ARHGEF9: variants seen among roughly 807,000 people sequenced by gnomAD.
ARHGEF9 encodes rho guanine nucleotide exchange factor 9.
ARHGEF9 carries 2 observed loss-of-function variants against 41.3 expected under a neutral mutation model. That is an observed-to-expected ratio of 0.05 (90% CI 0.02 to 0.15). The LOEUF is 0.15. ARHGEF9 is among the 10% of genes least tolerant of loss of function. ARHGEF9 has a pLI of 1.00. For synonymous variants in ARHGEF9, 160 were observed against 154.4 expected, an observed-to-expected ratio of 1.04 and a Z score of -0.27; for missense variants, 225 against 424.7, an observed-to-expected ratio of 0.53 and a Z score of 4.13.
At chrX:63,782,731 G>T (rs782646130) in intron 1 of ARHGEF9, among the ~76,000 whole-genome samples, 2 of 112,338 alleles carry the variant, frequency 1.8e-5, no homozygotes, top group Non-Finnish European at 3.8e-5. Context: ...TAAAATGGTG[G>T]CTAGATACAC....
Position 63,637,235 on chromosome X carries a change from A to AGAACAGATGCT in ARHGEF9, c.*792_*793insAGCATCTGTTC, listed in dbSNP as rs1556298931. 2 of 296,184 alleles carry AGAACAGATGCT rather than the reference A, an allele frequency of 6.8e-6. No individual in the cohort carries two copies. Among genetic ancestry groups the AGAACAGATGCT allele is most frequent in the East Asian group, 9.5e-5 (2 of 20,999 alleles). The allele number at this position is 296,184 out of a possible 1,213,427, so 24.4% of individuals were successfully genotyped here. A position where few individuals can be genotyped will look rare whatever the true frequency, so the allele number is the denominator to read the frequency against. On this transcript the variant is annotated 3_prime_UTR_variant, in exon 10 of 10. Transcript: ENST00000671741. ...CCTGAATGCAAAATGTTCCCTGAACAGAAGTCCACTCCAGCATCATCATAG... is the reference window on the plus strand; with the variant it reads ...CCTGAATGCAAAATGTTCCCTGAACAGAACAGATGCTGAAGTCCACTCCAGCATCATCATAG...
At chrX:63,766,344 G>C (rs1418529182) in intron 1 of ARHGEF9, among the ~76,000 whole-genome samples, 1 of 111,895 alleles carries the variant, frequency 8.9e-6, no homozygotes, top group East Asian at 2.8e-4. Flanking sequence ...AGAGGAGTTA[G>C]GTAATTTTTC....
intron 7 of ARHGEF9, chrX:63,657,036 C>T (rs1224225863): frequency 9.0e-6 from 1 of 111,530 alleles, no homozygotes; most frequent in African/African-American, 3.3e-5. Context: ...TTGGCGCTGC[C>T]CTCAGCCTCC....
intron 4 of ARHGEF9, among the ~76,000 whole-genome samples, chrX:63,691,397 T>A (rs1406326263): frequency 1.9e-5 from 2 of 107,266 alleles, no homozygotes; most frequent in Admixed American, 2.0e-4. Context: ...AAACAGGATT[T>A]AAAAAAAAAT....
rs1556444427 is a variant in ARHGEF9, at chrX:63,754,260, T to TA, written c.31-29550dup. The TA allele has an allele frequency of 2.7e-5, 32 of 1,190,400 alleles. No homozygotes were observed. In the East Asian group the frequency reaches 9.2e-4, roughly 34 times the overall value. On this transcript the variant is annotated intron_variant, in intron 1 of 9. Transcript: ENST00000671741. The stretch of plus-strand genomic sequence containing the variant: ...AGGCAACTATACGCGCAGGCATTCT[T>TA]AAAAGACAAGACACGACAAAAGATT...
chrX:63,645,281 G>C (rs1331376881), intron 8 of ARHGEF9, among the ~76,000 whole-genome samples: 3 of 109,674 alleles, frequency 2.7e-5, no homozygotes, highest in South Asian at 8.0e-4. Context: ...ACAATGTACA[G>C]GTTTGTTACA....
chrX:63,746,846 T>C (rs1171624288), intron 1 of ARHGEF9, among the ~76,000 whole-genome samples: 2 of 111,725 alleles, frequency 1.8e-5, no homozygotes, highest in Middle Eastern at 4.6e-3. Context: ...AATCCCAAAC[T>C]GGCATACCCT....
At chrX:63,671,414 T>C (rs1556355434) in intron 6 of ARHGEF9, 1 of 112,448 alleles carries the variant, frequency 8.9e-6, no homozygotes, top group East Asian at 2.8e-4. Context: ...GGGATTTGGA[T>C]GACCTCCCCA....
intron 1 of ARHGEF9, among the ~76,000 whole-genome samples, chrX:63,772,341 C>T (rs1419716491): frequency 9.8e-5 from 11 of 112,005 alleles, no homozygotes; most frequent in African/African-American, 3.6e-4. Flanking sequence ...CTCAATTGGG[C>T]TTACCATCTC....
At chrX:63,772,308 T>G (rs1181422096) in intron 1 of ARHGEF9, among the ~76,000 whole-genome samples, 3 of 111,923 alleles carry the variant, frequency 2.7e-5, no homozygotes, top group African/African-American at 9.8e-5. Flanking sequence ...CTCCAATAGC[T>G]GCATGGATTT....
chrX:63,711,649 T>C (rs1787145837), intron 2 of ARHGEF9, among the ~76,000 whole-genome samples: 1 of 111,611 alleles, frequency 9.0e-6, no homozygotes, highest in Admixed American at 9.5e-5. Flanking sequence ...TACACAAAAA[T>C]TAAATCAAAA....
intron 8 of ARHGEF9, among the ~76,000 whole-genome samples, chrX:63,655,102 T>C (rs1268731474): frequency 5.3e-5 from 6 of 112,594 alleles, no homozygotes; most frequent in African/African-American, 1.9e-4. Context: ...TCTAGGGGGA[T>C]TTAGTTAACA....
Position 63,785,109 on chromosome X carries a change from C to A in ARHGEF9, c.30+7G>T, listed in dbSNP as rs1161419146. On this transcript the variant is annotated splice_region_variant and intron_variant, in intron 1 of 9. Transcript: ENST00000671741. ...AAGCAAGGGAAGCCAAGGTTACATG[C>A]ACTCACCATTCCCGATCCGCCCCTT... 4.3e-6 allele frequency: 5 copies of A among 1,165,420 alleles called. No homozygotes were observed. Among genetic ancestry groups the A allele is most frequent in the Middle Eastern group, 2.3e-4 (1 of 4,301 alleles).
chrX:63,674,573 T>C (rs2050144564), intron 5 of ARHGEF9, among the ~76,000 whole-genome samples: 1 of 111,943 alleles, frequency 8.9e-6, no homozygotes, highest in Admixed American at 9.5e-5. Context: ...AGGCATAGAC[T>C]GCTTTTGCGC....
At chrX:63,645,944 C>T (rs781862693) in intron 8 of ARHGEF9, among the ~76,000 whole-genome samples, 1 of 112,258 alleles carries the variant, frequency 8.9e-6, no homozygotes, top group East Asian at 2.8e-4. Context: ...GATGGTACCT[C>T]ATTGTCGTTT....
Position 63,637,952 on chromosome X carries a change from C to T in ARHGEF9, c.*76G>A, listed in dbSNP as rs1294828676. 1.1e-6 allele frequency: 1 copy of T among 896,489 alleles called. No individual in the cohort carries two copies. The highest frequency in any genetic ancestry group is 1.5e-6 in the Non-Finnish European group (1 of 671,927). 73.9% of individuals were successfully genotyped at this position (896,489 alleles called of 1,213,427 possible). The stretch of plus-strand genomic sequence containing the variant: ...TGTGTGTGTATAAATTTCAACAGTG[C>T]TTCTCCGAAAAAAGGTCCATCTATA... On this transcript the variant is annotated 3_prime_UTR_variant, in exon 10 of 10. Transcript: ENST00000671741.
chrX:63,719,419 T>C (rs1556412178), intron 2 of ARHGEF9, among the ~76,000 whole-genome samples: 1 of 112,288 alleles, frequency 8.9e-6, no homozygotes, highest in African/African-American at 3.2e-5. Context: ...TTCTTGATTA[T>C]GCTATAGGCC....
intron 7 of ARHGEF9, chrX:63,656,406 C>T (rs1209403189): frequency 8.9e-6 from 1 of 112,194 alleles, no homozygotes; most frequent in East Asian, 2.8e-4. Context: ...TGTTGTTTTG[C>T]TCTCATAGAC....
rs376027334 is a variant in ARHGEF9 at position 63,688,406 on chromosome X, T to C, written c.582+8719A>G. Among the ~76,000 whole-genome samples the C allele has an allele frequency of 2.7e-5, 3 of 112,019 alleles. No individual in the cohort carries two copies. In the East Asian group the frequency reaches 8.3e-4, roughly 31 times the overall value. ...GTTCAATCTTAAAAGAACACTAATA[T>C]GTATCAAGAAAACACCTGAAGTTAT... On this transcript the variant is annotated intron_variant, in intron 4 of 9. Transcript: ENST00000671741.
Sources: gnomAD v4.1 joint callset for allele counts (sites outside exome capture counted in the v4.1 genomes callset) on GRCh38, gnomAD v4.1.1 for gene constraint, MANE v1.5 for transcripts, NCBI Gene and HGNC (gene_info 2026-07-23, HGNC 2026-07-21) for gene names.